DLEC1: variants seen among roughly 807,000 people sequenced by gnomAD.
DLEC1 encodes the protein deleted in lung and esophageal cancer protein 1.
DLEC1 carries 146 observed loss-of-function variants against 198.1 expected under a neutral mutation model. The observed-to-expected ratio is 0.74, with a 90% CI of 0.64 to 0.85. DLEC1 has a LOEUF of 0.85. DLEC1 is among the 40% of genes least tolerant of loss of function. The pLI, the probability that DLEC1 is intolerant of heterozygous loss-of-function variation, is 0.00. For missense variants in DLEC1, 2,233 were observed against 2,220.0 expected (o/e 1.01, Z -0.12); for synonymous variants, 897 against 866.8 (o/e 1.03, Z -0.61).
chr3:38,059,307 AG>A (rs1696553847), intron 2 of DLEC1, among the ~76,000 whole-genome samples: 1 of 152,256 alleles, frequency 6.6e-6, no homozygotes, highest in Non-Finnish European at 1.5e-5. Flanking sequence ...CAGCTGCACA[AG>A]TGCATTTCAA....
chr3:38,097,861 A>G lies in DLEC1; in HGVS notation c.2683A>G (p.Met895Val), dbSNP rs752250443. ...NVSQLPATWR[M>V]KESPVSLQER... ...CAGCCAGCTCCCAGCCACATGGCGC[A>G]TGAAGGAGAGCCCAGTCTCCCTCCA... The change falls in exon 18 of 37, where the codon ATG (methionine) becomes GTG (valine). Residue 895 changes from methionine (M) to valine (V), a missense_variant. Transcript: ENST00000308059. 3.1e-6 allele frequency: 5 copies of G among 1,614,192 alleles called. No homozygotes were observed. The highest frequency in any genetic ancestry group is 2.7e-5 in the African/African-American group (2 of 75,048).
At chr3:38,083,891 A>G (rs942076156) in intron 6 of DLEC1, among the ~76,000 whole-genome samples, 5 of 152,032 alleles carry the variant, frequency 3.3e-5, no homozygotes, top group African/African-American at 9.7e-5. Flanking sequence ...CAGCCTCCCA[A>G]AGTGCCGGGA....
In DLEC1 at chr3:38,077,839, A is replaced by AGG. The variant is rs550917554; in HGVS notation, c.1174-6315_1174-6314dup. Among the ~76,000 whole-genome samples, 156 of 151,964 alleles carry AGG rather than the reference A, an allele frequency of 1.0e-3. 1 individual carries two copies. The highest frequency in any genetic ancestry group is 2.9e-3 in the African/African-American group (119 of 41,430). On this transcript the variant is annotated intron_variant, in intron 6 of 36. Transcript: ENST00000308059. ...TTCAAGCTTGATGTGTAGGGAAGGG[A>AGG]GGGGGCCTGAATAATCCCTGAGGAG...
At position 38,082,940 on chromosome 3, in the gene DLEC1, C is replaced by T. The variant is rs568167260; in HGVS notation, c.1174-1218C>T. Among the ~76,000 whole-genome samples the T allele has an allele frequency of 1.2e-4, 18 of 152,218 alleles. No individual in the cohort carries two copies. In the South Asian group the frequency reaches 3.5e-3, roughly 30 times the overall value. ...TGCCTTCCCAGTCCGTGACCGGCGCCGGAGTTTTGGGTCCACAAATAAAAC... is the reference window on the plus strand; with the variant it reads ...TGCCTTCCCAGTCCGTGACCGGCGCTGGAGTTTTGGGTCCACAAATAAAAC... On this transcript the variant is annotated intron_variant, in intron 6 of 36. Coordinates refer to ENST00000308059, the MANE Select transcript of DLEC1 (RefSeq NM_007335.4).
chr3:38,117,155 C>T (rs1700220242), intron 30 of DLEC1, 53 bp from the exon 31 acceptor site: 1 of 1,614,066 alleles, frequency 6.2e-7, no homozygotes, highest in Non-Finnish European at 8.5e-7. Flanking sequence ...TCCTGGGTAG[C>T]ATGCTGCCTA....
At chr3:38,094,289 C>T (rs1318352321) in intron 12 of DLEC1, among the ~76,000 whole-genome samples, 2 of 152,190 alleles carry the variant, frequency 1.3e-5, no homozygotes, top group African/African-American at 4.8e-5. Context: ...AGGGAGCCTC[C>T]CAACCAGGGC....
intron 19 of DLEC1, among the ~76,000 whole-genome samples, chr3:38,105,661 A>G (rs1699531688): frequency 2.0e-5 from 3 of 152,102 alleles, no homozygotes. Flanking sequence ...GTGTCTTTGA[A>G]TCTAAAGTGT....
At chr3:38,084,531 G>A (rs1698307183) in intron 7 of DLEC1, among the ~76,000 whole-genome samples, 1 of 151,468 alleles carries the variant, frequency 6.6e-6, no homozygotes, top group Non-Finnish European at 1.5e-5. Flanking sequence ...AGTAGTAGTA[G>A]TGGTGGTGGT....
rs1046463997 is a variant in DLEC1, at chr3:38,122,832, C to CT, written c.*421dup. On this transcript the variant is annotated 3_prime_UTR_variant, in exon 37 of 37. Coordinates refer to ENST00000308059, the MANE Select transcript of DLEC1 (RefSeq NM_007335.4). The stretch of plus-strand genomic sequence containing the variant: ...CCCAGGCTGCTTTTATCTTGCACAG[C>CT]TAAAGAGGGTCTGATGGGTGGCTCA... 29 of 829,660 alleles carry CT rather than the reference C, an allele frequency of 3.5e-5. No individual in the cohort carries two copies. The highest frequency in any genetic ancestry group is 5.3e-5 in the Non-Finnish European group (29 of 549,556). The allele number at this position is 829,660 out of a possible 1,614,324, so 51.4% of individuals were successfully genotyped here. A position where few individuals can be genotyped will look rare whatever the true frequency, so the allele number is the denominator to read the frequency against.
At chr3:38,095,831 CCAGGACAA>C in intron 13 of DLEC1, 49 bp from the exon 14 acceptor site, 4 of 1,608,392 alleles carry the variant, frequency 2.5e-6, no homozygotes, top group Non-Finnish European at 8.5e-7. Flanking sequence ...CCAGCCTTCT[CCAGGACAA>C]CCTGCTGGAA....
intron 2 of DLEC1, among the ~76,000 whole-genome samples, chr3:38,053,395 C>A (rs1326062187): frequency 6.6e-6 from 1 of 151,136 alleles, no homozygotes; most frequent in African/African-American, 2.4e-5. Context: ...AGTGCCTCTG[C>A]CCCGCCGCTC....
At chr3:38,121,520 C>T (rs964887837) in intron 34 of DLEC1, 108 bp from the exon 35 acceptor site, 9 of 1,419,638 alleles carry the variant, frequency 6.3e-6, no homozygotes, top group East Asian at 2.3e-5. Context: ...GGGAGCTTCC[C>T]GTTTTCTTCA....
chr3:38,082,863 G>A (rs1490690196), intron 6 of DLEC1, among the ~76,000 whole-genome samples: 1 of 152,216 alleles, frequency 6.6e-6, no homozygotes, highest in African/African-American at 2.4e-5. Context: ...TTTGAAACGT[G>A]GGTGAATGAT....
In DLEC1 at chr3:38,107,700, A is replaced by G. The variant is rs748073688; in HGVS notation, c.2981A>G (p.Asn994Ser). Residue 994 changes from asparagine to serine, a missense_variant, in exon 20 of 37, where the codon AAT (asparagine) becomes AGT (serine). Coordinates refer to ENST00000308059, the MANE Select transcript of DLEC1 (RefSeq NM_007335.4). ...VPTKTTITLINGTLLPTQFHW... is the reference protein window; with the variant it reads ...VPTKTTITLISGTLLPTQFHW... The stretch of plus-strand genomic sequence containing the variant: ...ACGAAGACAACCATCACACTTATCA[A>G]TGGCACGCTCCTGCCTACCCAGTTC... 1.5e-5 allele frequency: 24 copies of G among 1,613,950 alleles called. No homozygotes were observed. The African/African-American group carries it at 3.1e-4, about 21-fold the overall frequency.
intron 6 of DLEC1, among the ~76,000 whole-genome samples, chr3:38,070,040 T>C (rs1190999234): frequency 2.0e-5 from 3 of 152,248 alleles, no homozygotes; most frequent in Admixed American, 6.5e-5. Flanking sequence ...CATTGTTTTC[T>C]AGTGTAACAT....
intron 6 of DLEC1, among the ~76,000 whole-genome samples, chr3:38,076,288 T>C (rs1697614965): frequency 6.6e-6 from 1 of 152,122 alleles, no homozygotes; most frequent in African/African-American, 2.4e-5. Flanking sequence ...TCGTAGGTGG[T>C]TTCATGTGCG....
At chr3:38,102,411 C>T (rs139980734) in intron 19 of DLEC1, among the ~76,000 whole-genome samples, 19 of 152,334 alleles carry the variant, frequency 1.2e-4, no homozygotes, top group South Asian at 4.1e-4. Context: ...GTTGTTCTTG[C>T]GTCTTTCCTT....
chr3:38,115,020 C>T lies in DLEC1; in HGVS notation c.3823C>T (p.Arg1275Ter), dbSNP rs373803738. Reference protein sequence around the residue: ...TQVSGGDTVTRTLRLNNSSPC... With the variant: ...TQVSGGDTVT ...GGTCTCCGGAGGAGACACAGTTACC[C>T]GAACCCTTCGCCTGAATAACTCCAG... Residue 1275 changes from arginine to a stop codon, truncating the protein, a stop_gained, in exon 27 of 37, where the codon CGA (arginine) becomes TGA (stop). Transcript: ENST00000308059. LOFTEE classifies it high-confidence loss of function. The T allele has an allele frequency of 5.9e-5, 96 of 1,613,902 alleles. No individual in the cohort carries two copies. Among genetic ancestry groups the T allele is most frequent in the Middle Eastern group, 1.6e-4 (1 of 6,084 alleles).
chr3:38,074,829 A>G (rs917442492), intron 6 of DLEC1, among the ~76,000 whole-genome samples: 1 of 152,218 alleles, frequency 6.6e-6, no homozygotes, highest in Admixed American at 6.5e-5. Context: ...TCCTGTATAT[A>G]TTTAGTGGGG....
Sources: gnomAD v4.1 joint callset for allele counts (sites outside exome capture counted in the v4.1 genomes callset) on GRCh38, gnomAD v4.1.1 for gene constraint, MANE v1.5 for transcripts, NCBI Gene and HGNC (gene_info 2026-07-23, HGNC 2026-07-21) for gene names.